The following CHD1 variants were observed in gnomAD, a reference collection of about 807,000 sequenced individuals.
The protein encoded by CHD1 is chromodomain helicase DNA binding protein 1, also known as ATP-dependent chromatin remodeler CHD1.
Under a neutral mutation model 224.2 loss-of-function variants are expected in CHD1, and 36 were observed. The ratio of observed to expected loss-of-function variants is 0.16; its 90% CI spans 0.12 to 0.21. The LOEUF is 0.21. CHD1 is among the 10% of genes least tolerant of loss of function. The pLI is 1.00. For missense variants in CHD1, 1,378 were observed against 1,994.8 expected, an observed-to-expected ratio of 0.69 and a Z score of 5.89; for synonymous variants, 668 against 658.3, an observed-to-expected ratio of 1.01 and a Z score of -0.23.
chr5:98,900,022 C>T (rs1298299293), intron 7 of CHD1, among the ~76,000 whole-genome samples: 1 of 152,114 alleles, frequency 6.6e-6, no homozygotes, highest in Non-Finnish European at 1.5e-5. Context: ...GTGGCTCACG[C>T]CTGTAATCCC....
chr5:98,901,224 C>T lies in CHD1; in HGVS notation c.549G>A (p.Glu183=), dbSNP rs1242453539. ...SSCDETESDY[E]PKNKVKSRKP... Reference sequence around the variant, plus strand: ...TTCTGCTTTTGACTTTGTTTTTTGGCTCATAATCAGATTCTGTTTCATCAC... The same window carrying T: ...TTCTGCTTTTGACTTTGTTTTTTGGTTCATAATCAGATTCTGTTTCATCAC... Residue 183 remains glutamate, a synonymous_variant, in exon 6 of 36, where the codon GAG becomes GAA. Transcript: ENST00000614616. The T allele has an allele frequency of 6.2e-7, 1 of 1,613,212 alleles. No individual in the cohort carries two copies. The highest frequency in any genetic ancestry group is 8.5e-7 in the Non-Finnish European group (1 of 1,179,740).
intron 2 of CHD1, among the ~76,000 whole-genome samples, chr5:98,907,885 TAA>T (rs1037647261): frequency 6.6e-6 from 1 of 152,020 alleles, no homozygotes; most frequent in African/African-American, 2.4e-5. Flanking sequence ...ATGATTTTTT[TAA>T]AAAGAGATTT....
intron 2 of CHD1, among the ~76,000 whole-genome samples, chr5:98,920,395 C>T (rs1753014675): frequency 6.6e-6 from 1 of 152,158 alleles, no homozygotes; most frequent in African/African-American, 2.4e-5. Context: ...GAGGTTAACA[C>T]CACCAGTAAT....
At chr5:98,898,520 A>C (rs1247156002) in intron 9 of CHD1, 86 bp from the exon 10 acceptor site, 5 of 1,308,226 alleles carry the variant, frequency 3.8e-6, no homozygotes, top group Non-Finnish European at 4.1e-6. Flanking sequence ...AAGGCTACAC[A>C]AGTAAAATTT....
intron 3 of CHD1, among the ~76,000 whole-genome samples, 153 bp downstream of exon 3, chr5:98,904,744 T>G: frequency 6.6e-6 from 1 of 152,256 alleles, no homozygotes; most frequent in Admixed American, 6.5e-5. Flanking sequence ...TCCACAGGTG[T>G]ACCACCATGA....
chr5:98,911,886 T>C (rs1437522204), intron 2 of CHD1, among the ~76,000 whole-genome samples: 2 of 152,204 alleles, frequency 1.3e-5, no homozygotes, highest in Admixed American at 6.5e-5. Flanking sequence ...AAATGCAATA[T>C]GTAATCTCTG....
At chr5:98,866,779 T>G (rs927505811) in intron 31 of CHD1, among the ~76,000 whole-genome samples, 1 of 152,192 alleles carries the variant, frequency 6.6e-6, no homozygotes, top group Non-Finnish European at 1.5e-5. Context: ...TTTCCTTCAG[T>G]TGTGGCTTGT....
At chr5:98,858,811 AG>A in intron 34 of CHD1, 152 bp downstream of exon 34, 1 of 479,572 alleles carries the variant, frequency 2.1e-6, no homozygotes, top group Non-Finnish European at 3.6e-6. Context: ...ATAATAATGT[AG>A]GTATGTATCA....
At position 98,856,282 on chromosome 5, in the gene CHD1, A is replaced by G; in HGVS notation, c.*98T>C. Reference sequence around the variant, plus strand: ...GTAACAATACTGCTACTGATAGAAGATCTGTTTATATCTTTCAAGTCATGT... The same window carrying G: ...GTAACAATACTGCTACTGATAGAAGGTCTGTTTATATCTTTCAAGTCATGT... On this transcript the variant is annotated 3_prime_UTR_variant, in exon 36 of 36. Coordinates refer to ENST00000614616, the MANE Select transcript of CHD1 (RefSeq NM_001270.4). The G allele has an allele frequency of 1.3e-6, 1 of 799,030 alleles. No homozygotes were observed. Among genetic ancestry groups the G allele is most frequent in the Non-Finnish European group, 2.0e-6 (1 of 488,058 alleles). 49.5% of individuals were successfully genotyped at this position (799,030 alleles called of 1,614,324 possible). A position where few individuals can be genotyped will look rare whatever the true frequency, so the allele number is the denominator to read the frequency against.
chr5:98,899,450 A>G (rs775722452), intron 8 of CHD1, 30 bp downstream of exon 8: 8 of 1,330,422 alleles, frequency 6.0e-6, no homozygotes, highest in South Asian at 6.0e-5. Flanking sequence ...TGAACTATTA[A>G]AAGAAGTATA....
chr5:98,926,623 C>A (rs949382589), intron 1 of CHD1, 89 bp from the exon 2 acceptor site: 1 of 287,632 alleles, frequency 3.5e-6, no homozygotes. Context: ...TCTACGTAGG[C>A]CAATTAGACT....
chr5:98,923,476 C>T (rs1461990300), intron 2 of CHD1, among the ~76,000 whole-genome samples: 4 of 150,764 alleles, frequency 2.7e-5, no homozygotes, highest in Admixed American at 6.6e-5. Context: ...AGTGCAATCG[C>T]GCAATCTCCG....
At chr5:98,861,611 C>T (rs889724485) in intron 32 of CHD1, among the ~76,000 whole-genome samples, 1 of 151,796 alleles carries the variant, frequency 6.6e-6, no homozygotes, top group African/African-American at 2.4e-5. Flanking sequence ...AAGCGATTCT[C>T]TTGCCTCAGC....
At chr5:98,862,585 C>T (rs565122415) in intron 32 of CHD1, among the ~76,000 whole-genome samples, 3 of 152,152 alleles carry the variant, frequency 2.0e-5, no homozygotes, top group African/African-American at 7.2e-5. Flanking sequence ...TAATTCTTTG[C>T]TCATTTTTAA....
Position 98,883,257 on chromosome 5 carries a change from CAAAATGAAAAATT to C in CHD1, c.2569-33_2569-21del. The C allele has an allele frequency of 6.5e-7, 1 of 1,535,760 alleles. No homozygotes were observed. Among genetic ancestry groups the C allele is most frequent in the Admixed American group, 2.2e-5 (1 of 45,348 alleles). On this transcript the variant is annotated intron_variant, in intron 18 of 35. Coordinates refer to ENST00000614616, the MANE Select transcript of CHD1 (RefSeq NM_001270.4). ...AAAATCCTGTAAGAAATTGAATAAT[CAAAATGAAAAATT>C]TTTCAATTGATTTTCTGAACGTAAG... is the stretch of plus-strand genomic sequence containing the variant.
At chr5:98,864,804 T>C (rs556313973) in intron 31 of CHD1, among the ~76,000 whole-genome samples, 1 of 152,356 alleles carries the variant, frequency 6.6e-6, no homozygotes, top group East Asian at 1.9e-4. Flanking sequence ...TTTAATTTCC[T>C]TTCTAACTTT....
chr5:98,891,592 C>T (rs1057294904), intron 15 of CHD1, among the ~76,000 whole-genome samples: 2 of 152,048 alleles, frequency 1.3e-5, no homozygotes, highest in African/African-American at 4.8e-5. Context: ...GTGTGGATCG[C>T]TTGGGGCCAG....
intron 17 of CHD1, among the ~76,000 whole-genome samples, chr5:98,887,745 C>T (rs888699764): frequency 6.6e-6 from 1 of 152,146 alleles, no homozygotes; most frequent in African/African-American, 2.4e-5. Flanking sequence ...CTGTTTTCCT[C>T]ATTCAGATTG....
At chr5:98,856,763 C>CAA in intron 35 of CHD1, 38 bp from the exon 36 acceptor site, 1 of 1,256,480 alleles carries the variant, frequency 8.0e-7, no homozygotes, top group South Asian at 1.4e-5. Flanking sequence ...ACAAATCATG[C>CAA]AAATTAAAAT....
Sources: gnomAD v4.1 joint callset for allele counts (sites outside exome capture counted in the v4.1 genomes callset) on GRCh38, gnomAD v4.1.1 for gene constraint, MANE v1.5 for transcripts, NCBI Gene and HGNC (gene_info 2026-07-23, HGNC 2026-07-21) for gene names.